Variants in PTPRD observed in about 807,000 individuals in gnomAD.
PTPRD encodes the protein receptor-type tyrosine-protein phosphatase delta.
Under a neutral mutation model 214.5 loss-of-function variants are expected in PTPRD, and 34 were observed. That is an observed-to-expected ratio of 0.16 (90% CI 0.12 to 0.21). The LOEUF is 0.21. Ranked by LOEUF, PTPRD falls within the 10% of genes least tolerant of loss-of-function variation. The pLI, the probability that PTPRD is intolerant of heterozygous loss-of-function variation, is 1.00. For missense variants in PTPRD, 2,545 were observed against 2,398.7 expected (o/e 1.06, Z -1.27); for synonymous variants, 1,128 against 845.7 (o/e 1.33, Z -5.79).
chr9:9,958,673 T>C (rs1232270118), intron 4 of PTPRD, among the ~76,000 whole-genome samples: 1 of 152,170 alleles, frequency 6.6e-6, no homozygotes, highest in African/African-American at 2.4e-5. Flanking sequence ...TTATCCAAAA[T>C]ATACAAAGGA....
At chr9:10,321,524 TG>T (rs2096552149) in intron 3 of PTPRD, among the ~76,000 whole-genome samples, 1 of 151,946 alleles carries the variant, frequency 6.6e-6, no homozygotes, top group African/African-American at 2.4e-5. Context: ...CAAGACAAAG[TG>T]GAATGTGGTT....
chr9:8,409,749 C>T (rs2093359426), intron 35 of PTPRD, among the ~76,000 whole-genome samples: 2 of 152,098 alleles, frequency 1.3e-5, no homozygotes, highest in African/African-American at 4.8e-5. Context: ...TCAAAATATT[C>T]CCTTTAGAAA....
intron 12 of PTPRD, among the ~76,000 whole-genome samples, chr9:8,706,061 C>A (rs950228019): frequency 6.6e-6 from 1 of 152,080 alleles, no homozygotes; most frequent in Non-Finnish European, 1.5e-5. Context: ...CTCAAATTCT[C>A]CCAAAGAACT....
chr9:8,733,650 G>T (rs1294438853), intron 12 of PTPRD, 130 bp downstream of exon 12: 2 of 913,388 alleles, frequency 2.2e-6, no homozygotes, highest in Non-Finnish European at 3.4e-6. Context: ...TGGTAGCCAA[G>T]GAGGATCCCG....
intron 11 of PTPRD, among the ~76,000 whole-genome samples, chr9:8,762,287 G>C (rs191491438): frequency 2.2e-3 from 335 of 152,188 alleles, no homozygotes; most frequent in South Asian, 4.4e-3. Context: ...TTGGGAATTT[G>C]TTTGGTTTTG....
At chr9:10,310,198 G>A (rs1195238726) in intron 3 of PTPRD, among the ~76,000 whole-genome samples, 2 of 151,986 alleles carry the variant, frequency 1.3e-5, no homozygotes, top group Non-Finnish European at 2.9e-5. Context: ...ATTTGTTTCA[G>A]GGACAAACTG....
At chr9:9,322,017 T>C (rs1186616756) in intron 9 of PTPRD, among the ~76,000 whole-genome samples, 1 of 152,184 alleles carries the variant, frequency 6.6e-6, no homozygotes, top group Non-Finnish European at 1.5e-5. Context: ...GTATTTGCCA[T>C]AAATAATTAG....
At chr9:9,593,688 A>G (rs564896785) in intron 7 of PTPRD, among the ~76,000 whole-genome samples, 3 of 152,144 alleles carry the variant, frequency 2.0e-5, no homozygotes, top group South Asian at 4.1e-4. Context: ...AGTTAGAACT[A>G]GGGGAGAACC....
intron 10 of PTPRD, among the ~76,000 whole-genome samples, chr9:9,100,963 T>C (rs1461753866): frequency 2.0e-5 from 3 of 151,972 alleles, no homozygotes; most frequent in African/African-American, 7.3e-5. Flanking sequence ...CTATAGATAT[T>C]TTGTTGTGAA....
At chr9:10,085,608 A>AC (rs1383634249) in intron 3 of PTPRD, among the ~76,000 whole-genome samples, 237 of 145,240 alleles carry the variant, frequency 1.6e-3, no homozygotes, top group African/African-American at 6.2e-3. Context: ...GACACAGAGA[A>AC]GAAAAGTGAG....
chr9:10,519,861 G>C (rs1044376845), intron 2 of PTPRD, among the ~76,000 whole-genome samples: 3 of 152,006 alleles, frequency 2.0e-5, no homozygotes, highest in African/African-American at 7.3e-5. Flanking sequence ...TGTTATGTGT[G>C]TTCCGACTGT....
chr9:8,581,728 C>G (rs2093132856), intron 14 of PTPRD, among the ~76,000 whole-genome samples: 1 of 148,484 alleles, frequency 6.7e-6, no homozygotes, highest in African/African-American at 2.5e-5. Context: ...GCCCGGACGA[C>G]AGAGCGAGAC....
chr9:9,594,274 A>G (rs2093058659), intron 7 of PTPRD, among the ~76,000 whole-genome samples: 1 of 151,994 alleles, frequency 6.6e-6, no homozygotes, highest in South Asian at 2.1e-4. Context: ...AGTTAATTTA[A>G]AATATTCCTA....
At chr9:8,817,104 C>T (rs1467279790) in intron 11 of PTPRD, among the ~76,000 whole-genome samples, 3 of 152,196 alleles carry the variant, frequency 2.0e-5, no homozygotes, top group Admixed American at 6.5e-5. Flanking sequence ...ATATCAATTA[C>T]GGCCTTAAAT....
chr9:8,455,476 G>A (rs760225607), intron 33 of PTPRD, among the ~76,000 whole-genome samples: 2 of 152,056 alleles, frequency 1.3e-5, no homozygotes, highest in Admixed American at 6.6e-5. Flanking sequence ...TCACTTTGAG[G>A]CAAATTGCAA....
At chr9:10,294,176 C>A (rs758547753) in intron 3 of PTPRD, among the ~76,000 whole-genome samples, 2 of 151,856 alleles carry the variant, frequency 1.3e-5, no homozygotes, top group Non-Finnish European at 2.9e-5. Flanking sequence ...GCCCAAAAAC[C>A]TTTTTCCCCC....
intron 11 of PTPRD, among the ~76,000 whole-genome samples, chr9:8,936,462 ATAACT>A (rs1264596551): frequency 6.7e-6 from 1 of 148,800 alleles, no homozygotes; most frequent in African/African-American, 2.4e-5. Flanking sequence ...AAGATGAAAA[ATAACT>A]TCATCTAATT....
intron 3 of PTPRD, among the ~76,000 whole-genome samples, chr9:10,158,895 A>C (rs1333230841): frequency 6.6e-6 from 1 of 152,154 alleles, no homozygotes; most frequent in Admixed American, 6.6e-5. Flanking sequence ...TCCAGAGACA[A>C]TATGGGGAGG....
intron 5 of PTPRD, among the ~76,000 whole-genome samples, chr9:9,817,733 G>C (rs1340352424): frequency 1.3e-5 from 2 of 152,168 alleles, no homozygotes. Context: ...AAAACAAAGA[G>C]GATAACTGTC....
Sources: gnomAD v4.1 joint callset for allele counts (sites outside exome capture counted in the v4.1 genomes callset) on GRCh38, gnomAD v4.1.1 for gene constraint, MANE v1.5 for transcripts, NCBI Gene and HGNC (gene_info 2026-07-23, HGNC 2026-07-21) for gene names.